The following CFAP299 variants were observed in gnomAD, a reference collection of about 807,000 sequenced individuals.
CFAP299 encodes the protein cilia- and flagella-associated protein 299.
In CFAP299, 21 loss-of-function variants were observed where a neutral mutation model predicts 27.0. The observed-to-expected ratio is 0.78, with a 90% CI of 0.55 to 1.12. The LOEUF (loss-of-function observed/expected upper bound fraction) is 1.12, where lower values mean the gene tolerates loss of function less well. Ranked by LOEUF, CFAP299 falls within the 50% of genes most tolerant of loss-of-function variation. The pLI, the probability that CFAP299 is intolerant of heterozygous loss-of-function variation, is 0.00. For synonymous variants in CFAP299, 104 were observed against 98.1 expected (o/e 1.06, Z -0.36); for missense variants, 310 against 276.6 (o/e 1.12, Z -0.86).
intron 4 of CFAP299, among the ~76,000 whole-genome samples, chr4:80,935,611 T>A (rs897746141): frequency 6.6e-6 from 1 of 151,962 alleles, no homozygotes; most frequent in African/African-American, 2.4e-5. Context: ...ACTTTTAAAA[T>A]CCTGGAAGAC....
rs554675741 is a variant in CFAP299, at chr4:80,759,353, A to G, written c.334-110640A>G. ...ATTAGGTAAGGTTATAGGAAACACG[A>G]CTGAAAGTGGTAGTTTAAGGTCTGA... On this transcript the variant is annotated intron_variant, in intron 3 of 5. Coordinates refer to ENST00000358105, the MANE Select transcript of CFAP299 (RefSeq NM_152770.3). Among the ~76,000 whole-genome samples the G allele has an allele frequency of 5.3e-5, 8 of 152,288 alleles. No individual in the cohort carries two copies. The South Asian group carries it at 1.7e-3, about 32-fold the overall frequency.
At chr4:80,692,411 C>T (rs1720779553) in intron 3 of CFAP299, among the ~76,000 whole-genome samples, 1 of 152,176 alleles carries the variant, frequency 6.6e-6, no homozygotes, top group Non-Finnish European at 1.5e-5. Context: ...ACTATCTGAT[C>T]TTTGAGAAAC....
intron 3 of CFAP299, among the ~76,000 whole-genome samples, chr4:80,761,906 A>G (rs1472652214): frequency 6.6e-6 from 1 of 152,054 alleles, no homozygotes; most frequent in Non-Finnish European, 1.5e-5. Context: ...TTATGAATCT[A>G]CAAACACCAA....
intron 4 of CFAP299, among the ~76,000 whole-genome samples, chr4:80,927,523 A>T (rs1736366989): frequency 6.6e-6 from 1 of 152,148 alleles, no homozygotes. Context: ...TCAGAAGTCC[A>T]GAACAGTGTG....
intron 3 of CFAP299, among the ~76,000 whole-genome samples, chr4:80,734,530 A>C (rs1484270905): frequency 6.6e-6 from 1 of 152,056 alleles, no homozygotes; most frequent in East Asian, 1.9e-4. Flanking sequence ...ATTATTCAAG[A>C]AATTTTTGCC....
chr4:80,664,842 C>G (rs1235192101), intron 3 of CFAP299, among the ~76,000 whole-genome samples: 1 of 152,054 alleles, frequency 6.6e-6, no homozygotes, highest in Non-Finnish European at 1.5e-5. Context: ...TGCTTGAAAC[C>G]CAGGGCCCTG....
In CFAP299 at chr4:80,364,089, A is replaced by AACACACACACCCACACACACACACAC. The variant is rs371907109; in HGVS notation, c.242+1215_242+1216insCCACACACACACACACACACACACAC. Among the ~76,000 whole-genome samples the AACACACACACCCACACACACACACAC allele has an allele frequency of 1.4e-3, 157 of 110,878 alleles. 2 individuals are homozygous for AACACACACACCCACACACACACACAC. Among genetic ancestry groups the AACACACACACCCACACACACACACAC allele is most frequent in the African/African-American group, 5.9e-3 (154 of 26,048 alleles). 72.7% of individuals were successfully genotyped at this position (110,878 alleles called of 152,430 possible). A position where few individuals can be genotyped will look rare whatever the true frequency, so the allele number is the denominator to read the frequency against. On this transcript the variant is annotated intron_variant, in intron 2 of 5. Transcript: ENST00000358105. ...GCAACAGAGCGAGACTCCGTCTCAA[A>AACACACACACCCACACACACACACAC]ACACACACACACACACACACACACA...
intron 2 of CFAP299, among the ~76,000 whole-genome samples, chr4:80,558,445 A>C (rs1279143058): frequency 1.3e-5 from 2 of 150,408 alleles, no homozygotes; most frequent in African/African-American, 4.9e-5. Flanking sequence ...CCAAATTCTA[A>C]ATGGCTGGTG....
intron 3 of CFAP299, among the ~76,000 whole-genome samples, chr4:80,733,857 C>T (rs1335303384): frequency 1.3e-5 from 2 of 152,100 alleles, no homozygotes; most frequent in Non-Finnish European, 2.9e-5. Context: ...TTTCCTTATC[C>T]ATTCATCTGT....
At chr4:80,623,152 AAG>A (rs1738691886) in intron 3 of CFAP299, among the ~76,000 whole-genome samples, 2 of 152,104 alleles carry the variant, frequency 1.3e-5, no homozygotes, top group African/African-American at 4.8e-5. Context: ...AACAAGAAAT[AAG>A]GAAGGCTAAT....
At chr4:80,871,453 T>G in intron 4 of CFAP299, 2 of 985,448 alleles carry the variant, frequency 2.0e-6, no homozygotes, top group Non-Finnish European at 2.4e-6. Flanking sequence ...TGCTAATAAC[T>G]TATGGTTTCC....
At position 80,418,360 on chromosome 4, in the gene CFAP299, G is replaced by T. The variant is rs149160011; in HGVS notation, c.242+55476G>T. Reference sequence around the variant, plus strand: ...AGAATTTCTTTTTTTAAAAAAAAGTGTTATACATTGACAAATGACAGTTGT... The same window carrying T: ...AGAATTTCTTTTTTTAAAAAAAAGTTTTATACATTGACAAATGACAGTTGT... On this transcript the variant is annotated intron_variant, in intron 2 of 5. Transcript: ENST00000358105. Among the ~76,000 whole-genome samples the T allele has an allele frequency of 3.9e-5, 6 of 152,134 alleles. No homozygotes were observed. In the East Asian group the frequency reaches 1.2e-3, roughly 29 times the overall value.
intron 3 of CFAP299, among the ~76,000 whole-genome samples, chr4:80,758,885 T>G (rs1352878496): frequency 6.6e-6 from 1 of 152,098 alleles, no homozygotes; most frequent in East Asian, 1.9e-4. Flanking sequence ...TCAGGACAAA[T>G]TCTATTGGTC....
intron 3 of CFAP299, among the ~76,000 whole-genome samples, chr4:80,766,406 A>AT (rs1380691234): frequency 9.9e-5 from 15 of 152,182 alleles, no homozygotes; most frequent in African/African-American, 3.6e-4. Flanking sequence ...GTTTAAGATA[A>AT]TTAAATTTTA....
At chr4:80,817,500 G>T (rs1408825483) in intron 3 of CFAP299, among the ~76,000 whole-genome samples, 1 of 151,674 alleles carries the variant, frequency 6.6e-6, no homozygotes, top group Non-Finnish European at 1.5e-5. Flanking sequence ...GATTCCCTTG[G>T]TCCCTTATGT....
intron 3 of CFAP299, among the ~76,000 whole-genome samples, chr4:80,753,273 T>C (rs1173777979): frequency 6.6e-6 from 1 of 151,782 alleles, no homozygotes; most frequent in Non-Finnish European, 1.5e-5. Flanking sequence ...TAATTCTAGA[T>C]TGACATAATT....
chr4:80,939,734 G>T (rs1202810374), intron 4 of CFAP299, among the ~76,000 whole-genome samples: 1 of 151,984 alleles, frequency 6.6e-6, no homozygotes, highest in Non-Finnish European at 1.5e-5. Flanking sequence ...TTAAAGTTTT[G>T]TGTTGAAAGA....
chr4:80,833,947 C>T (rs1730430024), intron 3 of CFAP299, among the ~76,000 whole-genome samples: 1 of 152,166 alleles, frequency 6.6e-6, no homozygotes, highest in Non-Finnish European at 1.5e-5. Context: ...TTCCAAATCA[C>T]TGGCATATGA....
chr4:80,683,803 T>C (rs988311442), intron 3 of CFAP299, among the ~76,000 whole-genome samples: 19 of 152,246 alleles, frequency 1.2e-4, no homozygotes, highest in Admixed American at 9.2e-4. Flanking sequence ...TTATCAAGCA[T>C]GTACTATTTA....
Sources: allele counts gnomAD v4.1 joint callset (sites outside exome capture counted in the v4.1 genomes callset), GRCh38; gene constraint gnomAD v4.1.1; transcripts MANE v1.5; gene names NCBI Gene and HGNC (gene_info 2026-07-23, HGNC 2026-07-21).